Variants in PCSK5 observed in about 807,000 individuals in gnomAD.
PCSK5 encodes proprotein convertase subtilisin/kexin type 5.
In PCSK5, 129 loss-of-function variants were observed where a neutral mutation model predicts 233.2. That is an observed-to-expected ratio of 0.55 (90% confidence interval 0.48 to 0.64). The LOEUF (loss-of-function observed/expected upper bound fraction) is 0.64. Among genes scored for constraint, PCSK5 ranks in the 30% least tolerant of loss-of-function variants. PCSK5 has a pLI of 0.00. For synonymous variants in PCSK5, 825 were observed against 879.2 expected (o/e 0.94, Z 1.09); for missense variants, 2,076 against 2,430.1 (o/e 0.85, Z 3.06).
chr9:76,019,482 G>C (rs1424743531), intron 3 of PCSK5, among the ~76,000 whole-genome samples: 1 of 152,112 alleles, frequency 6.6e-6, no homozygotes, highest in Non-Finnish European at 1.5e-5. Flanking sequence ...TTCATTGTTA[G>C]CAGATTATTG....
At chr9:76,320,068 G>C (rs1388069073) in intron 30 of PCSK5, among the ~76,000 whole-genome samples, 3 of 151,956 alleles carry the variant, frequency 2.0e-5, no homozygotes, top group Non-Finnish European at 4.4e-5. Context: ...CCAGCCATTC[G>C]GGGCCACTAC....
intron 2 of PCSK5, among the ~76,000 whole-genome samples, chr9:75,948,204 A>T (rs974538310): frequency 2.0e-5 from 3 of 152,016 alleles, no homozygotes; most frequent in Admixed American, 1.3e-4. Context: ...GTACATGTGT[A>T]CAACATGCAG....
chr9:76,266,274 T>G (rs1210931249), intron 24 of PCSK5, among the ~76,000 whole-genome samples: 4 of 152,122 alleles, frequency 2.6e-5, no homozygotes, highest in Admixed American at 1.3e-4. Flanking sequence ...TTCAAAAAAG[T>G]GGCAAAGCTG....
chr9:76,350,801 C>T, intron 35 of PCSK5, 27 bp from the exon 36 acceptor site: 1 of 1,337,346 alleles, frequency 7.5e-7, no homozygotes. Flanking sequence ...AGGTCAATCT[C>T]ATAACTTAGA....
At chr9:75,964,665 C>T (rs991373656) in intron 2 of PCSK5, among the ~76,000 whole-genome samples, 3 of 152,128 alleles carry the variant, frequency 2.0e-5, no homozygotes, top group African/African-American at 7.2e-5. Context: ...GGAATAAAGC[C>T]CATGAATGCC....
chr9:76,273,793 T>C (rs1827606470), intron 24 of PCSK5, among the ~76,000 whole-genome samples: 1 of 150,370 alleles, frequency 6.7e-6, no homozygotes, highest in Non-Finnish European at 1.5e-5. Flanking sequence ...CTATCATACA[T>C]AGCTAATTTT....
At position 76,061,278 on chromosome 9, in the gene PCSK5, A is replaced by G. The variant is rs575785688; in HGVS notation, c.633-6677A>G. Among the ~76,000 whole-genome samples the G allele has an allele frequency of 5.3e-5, 8 of 152,284 alleles. No homozygotes were observed. The South Asian group carries it at 1.7e-3, about 32-fold the overall frequency. Reference sequence around the variant, plus strand: ...TTTCACAAACTTGGCCATTGGGTAAATCTCACAAAATCCAAAGAATTGGTT... The same window carrying G: ...TTTCACAAACTTGGCCATTGGGTAAGTCTCACAAAATCCAAAGAATTGGTT... On this transcript the variant is annotated intron_variant, in intron 5 of 37. Transcript: ENST00000674117.
At chr9:76,141,054 T>C (rs112714416) in intron 10 of PCSK5, among the ~76,000 whole-genome samples, 106 of 152,264 alleles carry the variant, frequency 7.0e-4, no homozygotes, top group Middle Eastern at 3.4e-3. Flanking sequence ...CAACAACTCT[T>C]AATATTTTGT....
intron 5 of PCSK5, among the ~76,000 whole-genome samples, chr9:76,049,200 T>C (rs1829535598): frequency 6.6e-6 from 1 of 152,048 alleles, no homozygotes; most frequent in Non-Finnish European, 1.5e-5. Context: ...TTGCAGAAAA[T>C]ATTTGGCGAT....
chr9:76,285,071 T>C (rs886833432), intron 24 of PCSK5, among the ~76,000 whole-genome samples: 5 of 152,194 alleles, frequency 3.3e-5, no homozygotes, highest in Admixed American at 6.5e-5. Flanking sequence ...CTTAGAACTT[T>C]AGATTTCTGT....
intron 12 of PCSK5, among the ~76,000 whole-genome samples, chr9:76,163,163 C>T (rs992362060): frequency 6.6e-6 from 1 of 152,220 alleles, no homozygotes; most frequent in African/African-American, 2.4e-5. Context: ...TCCAGAAGTC[C>T]TCATTTACTT....
chr9:76,254,979 G>C (rs1434637955), intron 24 of PCSK5, among the ~76,000 whole-genome samples: 1 of 152,178 alleles, frequency 6.6e-6, no homozygotes, highest in African/African-American at 2.4e-5. Context: ...TGAGGTGTGG[G>C]CATCAGTATT....
At chr9:75,912,047 TA>T (rs1172598135) in intron 1 of PCSK5, among the ~76,000 whole-genome samples, 2 of 151,906 alleles carry the variant, frequency 1.3e-5, no homozygotes, top group African/African-American at 4.8e-5. Flanking sequence ...GTAAGTCAGA[TA>T]GTGGTAAGTG....
intron 2 of PCSK5, among the ~76,000 whole-genome samples, chr9:75,946,235 A>C (rs79685075): frequency 0.04 from 6,112 of 152,318 alleles, 152 homozygotes; most frequent in Middle Eastern, 0.065. Flanking sequence ...GGTGATGTAC[A>C]CGGTACTGTC....
intron 30 of PCSK5, among the ~76,000 whole-genome samples, chr9:76,320,186 A>G (rs1829150369): frequency 6.6e-6 from 1 of 151,992 alleles, no homozygotes; most frequent in Admixed American, 6.6e-5. Flanking sequence ...ACACACGGGG[A>G]GAACACCTGC....
chr9:76,090,511 A>G, intron 7 of PCSK5, among the ~76,000 whole-genome samples: 1 of 152,218 alleles, frequency 6.6e-6, no homozygotes, highest in East Asian at 1.9e-4. Flanking sequence ...AATAAAGGTC[A>G]GATTACCTCC....
intron 24 of PCSK5, chr9:76,286,692 G>C (rs1326125334): frequency 6.2e-6 from 1 of 162,470 alleles, no homozygotes; most frequent in Non-Finnish European, 1.3e-5. Context: ...GCAAGGCAAT[G>C]TTCACCACAG....
At chr9:75,934,228 C>T (rs1246438167) in intron 2 of PCSK5, among the ~76,000 whole-genome samples, 1 of 152,140 alleles carries the variant, frequency 6.6e-6, no homozygotes, top group Non-Finnish European at 1.5e-5. Context: ...TAAAAATAAT[C>T]CCTCAGAGTA....
chr9:76,133,225 A>G (rs1822831267), intron 9 of PCSK5, among the ~76,000 whole-genome samples: 1 of 152,136 alleles, frequency 6.6e-6, no homozygotes, highest in Admixed American at 6.6e-5. Flanking sequence ...TAAGTAAAAG[A>G]TCAGCACAAC....
Sources: gnomAD v4.1 joint callset for allele counts (sites outside exome capture counted in the v4.1 genomes callset) on GRCh38, gnomAD v4.1.1 for gene constraint, MANE v1.5 for transcripts, NCBI Gene and HGNC (gene_info 2026-07-23, HGNC 2026-07-21) for gene names.